Variants in ATL1 observed in about 807,000 individuals in gnomAD.
ATL1 encodes the protein atlastin GTPase 1.
ATL1 carries 31 observed loss-of-function variants against 75.5 expected under a neutral mutation model. The observed-to-expected ratio is 0.41, with a 90% CI of 0.31 to 0.55. ATL1 has a LOEUF of 0.55. Ranked by LOEUF, ATL1 falls within the 20% of genes least tolerant of loss-of-function variation. The pLI is 0.27. For synonymous variants in ATL1, 226 were observed against 233.3 expected (o/e 0.97, Z 0.28); for missense variants, 405 against 662.6 (o/e 0.61, Z 4.27).
intron 6 of ATL1, among the ~76,000 whole-genome samples, chr14:50,607,186 C>T (rs1032042418): frequency 6.6e-6 from 1 of 152,010 alleles, no homozygotes; most frequent in African/African-American, 2.4e-5. Flanking sequence ...CTAAGAGTCA[C>T]AGAGGATGCT....
chr14:50,605,517 T>G (rs539464384), intron 6 of ATL1, among the ~76,000 whole-genome samples: 1 of 152,108 alleles, frequency 6.6e-6, no homozygotes, highest in African/African-American at 2.4e-5. Flanking sequence ...TGTCTGAAAG[T>G]TTCCTGAAGT....
intron 3 of ATL1, among the ~76,000 whole-genome samples, 193 bp from the exon 4 acceptor site, chr14:50,591,342 A>G (rs1384811790): frequency 6.6e-6 from 1 of 152,212 alleles, no homozygotes. Flanking sequence ...TTGGATTACT[A>G]GTAAAAATTA....
At chr14:50,571,826 C>T (rs746375658) in intron 1 of ATL1, 1 of 170,016 alleles carries the variant, frequency 5.9e-6, no homozygotes, top group Non-Finnish European at 1.3e-5. Context: ...TGAAAATGTA[C>T]ATGACCTAAT....
At chr14:50,630,992 C>G in intron 13 of ATL1, 1 of 454,664 alleles carries the variant, frequency 2.2e-6, no homozygotes, top group Non-Finnish European at 4.4e-6. Context: ...GGCGCGGTGG[C>G]TCACGCCTGT....
At chr14:50,579,619 T>C (rs1438638770) in intron 1 of ATL1, among the ~76,000 whole-genome samples, 1 of 152,208 alleles carries the variant, frequency 6.6e-6, no homozygotes, top group African/African-American at 2.4e-5. Flanking sequence ...ATTCACAATA[T>C]AGAGCTTTCT....
At chr14:50,628,008 A>T (rs765478686) in intron 11 of ATL1, 23 bp from the exon 12 acceptor site, 198 of 1,613,958 alleles carry the variant, frequency 1.2e-4, no homozygotes, top group South Asian at 6.5e-4. Context: ...TTGCATAAAC[A>T]AATACTTCTC....
intron 1 of ATL1, among the ~76,000 whole-genome samples, chr14:50,538,243 T>C (rs1262522277): frequency 6.6e-6 from 1 of 152,214 alleles, no homozygotes. Context: ...ATGTAGGATG[T>C]GACTTGCTCC....
chr14:50,605,298 A>T (rs770541121), intron 6 of ATL1, among the ~76,000 whole-genome samples: 6 of 151,800 alleles, frequency 4.0e-5, no homozygotes, highest in Non-Finnish European at 8.8e-5. Context: ...TTCCTGATTC[A>T]TAGAGAACAG....
chr14:50,556,522 C>T (rs1411772244), upstream of ATL1, among the ~76,000 whole-genome samples: 1 of 152,158 alleles, frequency 6.6e-6, no homozygotes, highest in East Asian at 1.9e-4. Context: ...CCAGCCTAAT[C>T]CAGTGGCTTT....
intron 8 of ATL1, among the ~76,000 whole-genome samples, chr14:50,617,543 A>G (rs1234540788): frequency 1.3e-5 from 2 of 152,160 alleles, no homozygotes; most frequent in East Asian, 3.8e-4. Context: ...CTGAGAAAAT[A>G]TCTTCCTTTG....
chr14:50,550,687 T>TG (rs2038691628), intron 1 of ATL1, among the ~76,000 whole-genome samples: 1 of 152,170 alleles, frequency 6.6e-6, no homozygotes, highest in Admixed American at 6.6e-5. Flanking sequence ...AAATCAAAAT[T>TG]ATATCAAGTA....
chr14:50,608,401 C>G (rs1026344383), intron 6 of ATL1, among the ~76,000 whole-genome samples: 1 of 151,966 alleles, frequency 6.6e-6, no homozygotes, highest in Non-Finnish European at 1.5e-5. Context: ...AGTTATTAAA[C>G]CTTTAATAGC....
chr14:50,535,420 A>C (rs557465274), intron 1 of ATL1, among the ~76,000 whole-genome samples: 2 of 152,378 alleles, frequency 1.3e-5, no homozygotes, highest in African/African-American at 4.8e-5. Flanking sequence ...AGATTTAAGC[A>C]ATCTGGTAAT....
intron 6 of ATL1, among the ~76,000 whole-genome samples, chr14:50,603,255 C>G (rs1013263639): frequency 5.3e-5 from 8 of 152,176 alleles, no homozygotes; most frequent in African/African-American, 1.9e-4. Flanking sequence ...ACTTCACTTT[C>G]TGGAGTTAAT....
intron 11 of ATL1, among the ~76,000 whole-genome samples, chr14:50,626,408 C>T (rs577890479): frequency 3.6e-4 from 55 of 152,224 alleles, no homozygotes; most frequent in African/African-American, 1.3e-3. Context: ...GAGAGGGGTC[C>T]AAGACTTCAG....
At chr14:50,548,061 A>C (rs2038656285) in intron 1 of ATL1, among the ~76,000 whole-genome samples, 1 of 152,132 alleles carries the variant, frequency 6.6e-6, no homozygotes, top group African/African-American at 2.4e-5. Flanking sequence ...GATGGCCTAA[A>C]GAACAGGGGA....
intron 11 of ATL1, among the ~76,000 whole-genome samples, chr14:50,625,431 C>T (rs2039508617): frequency 6.6e-6 from 1 of 152,152 alleles, no homozygotes; most frequent in African/African-American, 2.4e-5. Context: ...TGAAGGTGGC[C>T]ACGGTAAACA....
intron 1 of ATL1, among the ~76,000 whole-genome samples, chr14:50,543,881 G>A (rs893950632): frequency 1.6e-4 from 25 of 152,118 alleles, no homozygotes; most frequent in African/African-American, 5.6e-4. Flanking sequence ...AGTGCCCAAG[G>A]GATTGATACT....
chr14:50,607,786 A>G (rs1298690086), intron 6 of ATL1, among the ~76,000 whole-genome samples: 2 of 152,072 alleles, frequency 1.3e-5, no homozygotes, highest in Non-Finnish European at 2.9e-5. Context: ...TTCAGATAAC[A>G]TTTGTTTCAT....
Sources: allele counts gnomAD v4.1 joint callset (sites outside exome capture counted in the v4.1 genomes callset), GRCh38; gene constraint gnomAD v4.1.1; transcripts MANE v1.5; gene names NCBI Gene and HGNC (gene_info 2026-07-23, HGNC 2026-07-21).